Variants in QSOX1 observed in about 807,000 individuals in gnomAD.
QSOX1 encodes the protein sulfhydryl oxidase 1.
Under a neutral mutation model 76.1 loss-of-function variants are expected in QSOX1, and 40 were observed. The observed-to-expected ratio is 0.53, with a 90% CI of 0.41 to 0.68. The LOEUF is 0.68. Ranked by LOEUF, QSOX1 falls within the 30% of genes least tolerant of loss-of-function variation. QSOX1 has a pLI of 0.00. For synonymous variants in QSOX1, 392 were observed against 413.1 expected (o/e 0.95, Z 0.62); for missense variants, 931 against 974.3 (o/e 0.96, Z 0.59).
chr1:180,166,462 A>ATT (rs1215027997), intron 1 of QSOX1, 29 bp from the exon 2 acceptor site: 1 of 1,594,722 alleles, frequency 6.3e-7, no homozygotes, highest in African/African-American at 1.3e-5. Context: ...AGCCCCTCTT[A>ATT]TTTACCCCTG....
chr1:180,182,462 C>T (rs1332037431), intron 6 of QSOX1, 143 bp downstream of exon 6: 1 of 1,179,428 alleles, frequency 8.5e-7, no homozygotes, highest in Non-Finnish European at 1.2e-6. Flanking sequence ...AGTCTGCTGT[C>T]TGCGGGGCCA....
intron 4 of QSOX1, among the ~76,000 whole-genome samples, 159 bp downstream of exon 4, chr1:180,176,192 C>G (rs1299325457): frequency 6.6e-6 from 1 of 152,186 alleles, no homozygotes; most frequent in Middle Eastern, 3.2e-3. Context: ...TACTCCAGAA[C>G]CAAGTGGCAG....
At chr1:180,186,566 C>G (rs998923335) in intron 8 of QSOX1, among the ~76,000 whole-genome samples, 2 of 152,204 alleles carry the variant, frequency 1.3e-5, no homozygotes, top group African/African-American at 2.4e-5. Context: ...GACACCCTGG[C>G]GAAGGAGAGG....
chr1:180,159,763 C>T (rs928613518), intron 1 of QSOX1, among the ~76,000 whole-genome samples: 1 of 152,158 alleles, frequency 6.6e-6, no homozygotes, highest in Admixed American at 6.5e-5. Flanking sequence ...GGCTTGGTGG[C>T]GTGGAACTTC....
chr1:180,171,227 T>A (rs1662751275), intron 2 of QSOX1, among the ~76,000 whole-genome samples: 1 of 152,198 alleles, frequency 6.6e-6, no homozygotes, highest in Non-Finnish European at 1.5e-5. Flanking sequence ...TACGTCATCA[T>A]CTGTCGGGCC....
At chr1:180,194,779 A>C (rs998620613) in intron 11 of QSOX1, among the ~76,000 whole-genome samples, 2 of 152,202 alleles carry the variant, frequency 1.3e-5, no homozygotes, top group African/African-American at 4.8e-5. Flanking sequence ...GGAGGAGACC[A>C]GGTCGTTCCT....
chr1:180,194,364 C>A lies in QSOX1; in HGVS notation c.1440C>A (p.Ser480Arg). 6.3e-7 allele frequency: 1 copy of A among 1,578,386 alleles called. No individual in the cohort carries two copies. Among genetic ancestry groups the A allele is most frequent in the Non-Finnish European group, 8.6e-7 (1 of 1,157,790 alleles). ...PNAAVLWLWS[S>R]HNRVNARLAG... Reference sequence around the variant, plus strand: ...CCGCTGTCCTCTGGCTCTGGTCTAGCCACAACAGGGTCAATGCTCGCCTTG... The same window carrying A: ...CCGCTGTCCTCTGGCTCTGGTCTAGACACAACAGGGTCAATGCTCGCCTTG... The change falls in exon 11 of 12, where the codon AGC becomes AGA. Residue 480 changes from serine (S) to arginine (R), a missense_variant. Physicochemically the swap from Ser to Arg is moderately radical, Grantham distance 110. Transcript: ENST00000367602.
rs572384509 is a variant in QSOX1 at position 180,196,668 on chromosome 1, G to A, written c.1875G>A (p.Met625Ile). Residue 625 changes from methionine to isoleucine, a missense_variant, in exon 12 of 12, where the codon ATG (methionine) becomes ATA (isoleucine). Met to Ile is a conservative substitution (Grantham distance 10). Transcript: ENST00000367602. The surrounding 1 kb of genome is among the most constrained non-coding windows in gnomAD (Gnocchi z 4.1). ...CAGGCCAGGAGCCTCCTGAGCACATGGCAGAGCTTCAGAGGAATGAGCAGG... is the reference window on the plus strand; with the variant it reads ...CAGGCCAGGAGCCTCCTGAGCACATAGCAGAGCTTCAGAGGAATGAGCAGG... ...AAPGQEPPEH[M>I]AELQRNEQEQ... 2.4e-5 allele frequency: 38 copies of A among 1,614,134 alleles called. No individual in the cohort carries two copies. The South Asian group carries it at 3.8e-4, about 16-fold the overall frequency.
chr1:180,164,747 G>A (rs58370192), intron 1 of QSOX1, among the ~76,000 whole-genome samples: 3,898 of 152,310 alleles, frequency 0.026, 155 homozygotes, highest in African/African-American at 0.088. Flanking sequence ...TTCTAGGGTG[G>A]AGTATTAGGG....
intron 1 of QSOX1, among the ~76,000 whole-genome samples, chr1:180,159,591 G>A (rs1662448730): frequency 6.6e-6 from 1 of 152,224 alleles, no homozygotes; most frequent in Non-Finnish European, 1.5e-5. Context: ...AAAGGCTGAA[G>A]AAAGTAGAAA....
Position 180,184,008 on chromosome 1 carries a change from C to T in QSOX1, c.845C>T (p.Thr282Ile), listed in dbSNP as rs1310164754. ...EAAQTTVAPT[T>I]ANKIAPTVWK... ...GCCCAGACCACAGTTGCACCAACCA[C>T]TGCTAACAAGATAGCTCCCACTGTT... is the stretch of plus-strand genomic sequence containing the variant. Residue 282 changes from threonine to isoleucine, a missense_variant, in exon 7 of 12, where the codon ACT (threonine) becomes ATT (isoleucine). Physicochemically the swap from Thr to Ile is moderately conservative, Grantham distance 89. Coordinates refer to ENST00000367602, the MANE Select transcript of QSOX1 (RefSeq NM_002826.5). 1 of 1,614,228 alleles carries T rather than the reference C, an allele frequency of 6.2e-7. No homozygotes were observed. The highest frequency in any genetic ancestry group is 8.5e-7 in the Non-Finnish European group (1 of 1,180,038).
intron 1 of QSOX1, among the ~76,000 whole-genome samples, chr1:180,164,560 C>A (rs1310629754): frequency 6.6e-6 from 1 of 152,208 alleles, no homozygotes; most frequent in Non-Finnish European, 1.5e-5. Context: ...CTTGTATCAG[C>A]CCCAAGAAGG....
At chr1:180,155,698 T>C (rs1662361652) in intron 1 of QSOX1, among the ~76,000 whole-genome samples, 1 of 152,256 alleles carries the variant, frequency 6.6e-6, no homozygotes, top group East Asian at 1.9e-4. Context: ...AGGTGGTACA[T>C]AGACTTCCTT....
intron 2 of QSOX1, among the ~76,000 whole-genome samples, chr1:180,167,303 A>T (rs1365985888): frequency 3.3e-5 from 5 of 152,154 alleles, no homozygotes; most frequent in African/African-American, 1.2e-4. Context: ...CCAAATTCAA[A>T]TCTCTGTCTC....
At position 180,182,802 on chromosome 1, in the gene QSOX1, C is replaced by T. The variant is rs561968418; in HGVS notation, c.752+483C>T. On this transcript the variant is annotated intron_variant, in intron 6 of 11. Transcript: ENST00000367602. ...CAGCCCCTCTGCCAGGCTCCTGCTG[C>T]TGAATGGCCCGTTAATGGCACCAGA... Among the ~76,000 whole-genome samples the T allele has an allele frequency of 3.3e-5, 5 of 152,374 alleles. No homozygotes were observed. The South Asian group carries it at 8.3e-4, about 25-fold the overall frequency.
rs2149226896 is a variant in QSOX1, at chr1:180,154,994, G to C, written c.87G>C (p.Ala29=). 6.6e-7 allele frequency: 1 copy of C among 1,509,338 alleles called. No homozygotes were observed. 93.5% of individuals were successfully genotyped at this position (1,509,338 alleles called of 1,614,324 possible). A position where few individuals can be genotyped will look rare whatever the true frequency, so the allele number is the denominator to read the frequency against. Residue 29 remains alanine, a synonymous_variant, in exon 1 of 12, where the codon GCG becomes GCC. Transcript: ENST00000367602. ...TGCTCGCGGTTCCCGGCGCTAACGCGGCCCCGCGGTCGGCGCTCTATTCGC... is the reference window on the plus strand; with the variant it reads ...TGCTCGCGGTTCCCGGCGCTAACGCCGCCCCGCGGTCGGCGCTCTATTCGC... ...LWLLAVPGAN[A]APRSALYSPS... is the part of the protein sequence containing the mutation.
Position 180,179,981 on chromosome 1 carries a change from G to A in QSOX1, c.606+1097G>A. On this transcript the variant is annotated intron_variant, in intron 5 of 11. Transcript: ENST00000367602. ...GTCTTTTCCCTCCCCTCCCACCACAGTCCTTGAGTACCAAGGGGCTGGGGT... is the reference window on the plus strand; with the variant it reads ...GTCTTTTCCCTCCCCTCCCACCACAATCCTTGAGTACCAAGGGGCTGGGGT... Among the ~76,000 whole-genome samples the A allele has an allele frequency of 1.3e-5, 2 of 152,228 alleles. 1 individual carries two copies. Among genetic ancestry groups the A allele is most frequent in the Admixed American group, 1.3e-4 (2 of 15,282 alleles).
chr1:180,186,430 G>GC (rs1004524697), intron 8 of QSOX1, among the ~76,000 whole-genome samples: 2 of 152,224 alleles, frequency 1.3e-5, no homozygotes, highest in Non-Finnish European at 2.9e-5. Context: ...CAGGGCCCGT[G>GC]CCCCCCACCT....
At chr1:180,159,121 A>G (rs1283809119) in intron 1 of QSOX1, among the ~76,000 whole-genome samples, 2 of 152,120 alleles carry the variant, frequency 1.3e-5, no homozygotes, top group South Asian at 2.1e-4. Context: ...CCCCTCACCC[A>G]TCAATCCAAG....
Sources: allele counts gnomAD v4.1 joint callset (sites outside exome capture counted in the v4.1 genomes callset), GRCh38; gene constraint gnomAD v4.1.1; non-coding constraint Gnocchi (gnomAD v3.1); transcripts MANE v1.5; gene names NCBI Gene and HGNC (gene_info 2026-07-23, HGNC 2026-07-21).